GPHN: variants seen among roughly 807,000 people sequenced by gnomAD.
The protein encoded by GPHN is gephyrin.
GPHN carries 17 observed loss-of-function variants against 95.5 expected under a neutral mutation model. The observed-to-expected ratio is 0.18, with a 90% confidence interval of 0.12 to 0.27. GPHN has a LOEUF of 0.27. GPHN is among the 10% of genes least tolerant of loss of function. GPHN has a pLI of 1.00. For missense variants in GPHN, 660 were observed against 978.1 expected, an observed-to-expected ratio of 0.67 and a Z score of 4.34; for synonymous variants, 320 against 322.5, an observed-to-expected ratio of 0.99 and a Z score of 0.08.
chr14:67,144,250 A>AAAAATATATATAT (rs1168342196), intron 18 of GPHN, among the ~76,000 whole-genome samples: 1 of 57,770 alleles, frequency 1.7e-5, no homozygotes, highest in Non-Finnish European at 2.9e-5. Flanking sequence ...AAAAAAAAAA[A>AAAAATATATATAT]ATATATATAT....
intron 3 of GPHN, among the ~76,000 whole-genome samples, chr14:66,793,925 A>G (rs1317858407): frequency 6.6e-6 from 1 of 152,196 alleles, no homozygotes; most frequent in African/African-American, 2.4e-5. Flanking sequence ...GTAAATCCAG[A>G]TATATCATTA....
intron 2 of GPHN, among the ~76,000 whole-genome samples, chr14:66,698,337 A>G (rs2068255820): frequency 6.6e-6 from 1 of 152,190 alleles, no homozygotes; most frequent in Non-Finnish European, 1.5e-5. Context: ...TTTTGTAGAT[A>G]ACTTGAAATC....
At chr14:67,061,046 T>C (rs960146871) in intron 11 of GPHN, among the ~76,000 whole-genome samples, 3 of 152,210 alleles carry the variant, frequency 2.0e-5, no homozygotes, top group South Asian at 2.1e-4. Flanking sequence ...TTTTTTCTTT[T>C]TTTTATTTTT....
chr14:67,419,804 G>A, the GPHN span, among the ~76,000 whole-genome samples: 4 of 151,524 alleles, frequency 2.6e-5, no homozygotes, highest in Non-Finnish European at 4.4e-5. Context: ...AGCCGAGATC[G>A]CGCCACGGCA....
At chr14:66,533,224 T>G (rs2059012825) in intron 1 of GPHN, among the ~76,000 whole-genome samples, 1 of 152,260 alleles carries the variant, frequency 6.6e-6, no homozygotes, top group Non-Finnish European at 1.5e-5. Flanking sequence ...CTGAAATTAA[T>G]TCAGTATCTT....
intron 16 of GPHN, among the ~76,000 whole-genome samples, chr14:67,118,198 G>A (rs2078801414): frequency 6.6e-6 from 1 of 152,146 alleles, no homozygotes; most frequent in Non-Finnish European, 1.5e-5. Context: ...ACATACCCAA[G>A]GGAAAATTAG....
At chr14:67,568,618 T>A in the GPHN span, among the ~76,000 whole-genome samples, 1 of 152,090 alleles carries the variant, frequency 6.6e-6, no homozygotes, top group African/African-American at 2.4e-5. Flanking sequence ...AATTATTTTT[T>A]AAAAAAAGAA....
chr14:67,551,209 C>G, the GPHN span, among the ~76,000 whole-genome samples: 2 of 152,188 alleles, frequency 1.3e-5, no homozygotes, highest in Non-Finnish European at 1.5e-5. Context: ...TATAATCTAT[C>G]ACCTAAAGCA....
At chr14:67,634,469 C>A in the GPHN span, among the ~76,000 whole-genome samples, 1 of 150,314 alleles carries the variant, frequency 6.7e-6, no homozygotes, top group South Asian at 2.1e-4. Context: ...GGTGTGGCTT[C>A]TGTAGTCCCA....
At chr14:67,724,041 T>A in the GPHN span, among the ~76,000 whole-genome samples, 20 of 152,296 alleles carry the variant, frequency 1.3e-4, 1 homozygote, top group Admixed American at 7.8e-4. Flanking sequence ...CCCCACAGAG[T>A]GCTGTTCATC....
the GPHN span, among the ~76,000 whole-genome samples, chr14:67,448,681 A>C: frequency 6.6e-6 from 1 of 152,082 alleles, no homozygotes; most frequent in African/African-American, 2.4e-5. Context: ...ACAGACAATA[A>C]TGCTGCCCTA....
At chr14:67,391,269 A>ATGTGTGTGTG in the GPHN span, among the ~76,000 whole-genome samples, 510 of 139,622 alleles carry the variant, frequency 3.7e-3, 1 homozygote, top group African/African-American at 0.012. Flanking sequence ...TAAGCAGCTG[A>ATGTGTGTGTG]TATGTGTGTG....
intron 4 of GPHN, among the ~76,000 whole-genome samples, chr14:66,873,653 C>A (rs1262433545): frequency 6.6e-6 from 1 of 152,156 alleles, no homozygotes; most frequent in Non-Finnish European, 1.5e-5. Context: ...GCTGGAAGTT[C>A]GGACTGGACA....
the GPHN span, among the ~76,000 whole-genome samples, chr14:67,680,679 G>T: frequency 1.3e-5 from 2 of 152,114 alleles, no homozygotes; most frequent in Non-Finnish European, 2.9e-5. Flanking sequence ...GGCTGGTCTT[G>T]AACTCCTGGG....
chr14:67,254,512 G>T, the GPHN span, among the ~76,000 whole-genome samples: 1 of 152,066 alleles, frequency 6.6e-6, no homozygotes, highest in African/African-American at 2.4e-5. Flanking sequence ...CTCTAAACCT[G>T]TTGACATTTG....
chr14:66,739,218 CT>C (rs540067795), intron 2 of GPHN, among the ~76,000 whole-genome samples: 236 of 134,560 alleles, frequency 1.8e-3, no homozygotes, highest in East Asian at 1.9e-3. Flanking sequence ...TTTCTTACAG[CT>C]TTTTTTTTTT....
In GPHN at chr14:67,167,509, G is replaced by A. The variant is rs190023780; in HGVS notation, c.1976-1424G>A. Reference sequence around the variant, plus strand: ...TCCATCGAAACTATTAGTATCACTTGTCACTTTTTGCACCTTAAAAAATCT... The same window carrying A: ...TCCATCGAAACTATTAGTATCACTTATCACTTTTTGCACCTTAAAAAATCT... On this transcript the variant is annotated intron_variant, in intron 20 of 22. Coordinates refer to ENST00000478722, the MANE Select transcript of GPHN (RefSeq NM_020806.5). Among the ~76,000 whole-genome samples, 293 of 152,262 alleles carry A rather than the reference G, an allele frequency of 1.9e-3. 3 individuals are homozygous for A. The highest frequency in any genetic ancestry group is 1.9e-3 in the Non-Finnish European group (127 of 68,014).
At chr14:67,274,520 T>C in the GPHN span, among the ~76,000 whole-genome samples, 1 of 152,236 alleles carries the variant, frequency 6.6e-6, no homozygotes, top group South Asian at 2.1e-4. Flanking sequence ...TTTTGGTTAC[T>C]GTAACCTTGT....
chr14:67,578,199 G>C, the GPHN span: 1 of 1,612,890 alleles, frequency 6.2e-7, no homozygotes, highest in Non-Finnish European at 8.5e-7. The surrounding 1 kb of genome is among the most constrained non-coding windows in gnomAD (Gnocchi z 5.0). Flanking sequence ...CCCTCATGCA[G>C]GTAGGCATGC....
Sources: allele counts gnomAD v4.1 joint callset (sites outside exome capture counted in the v4.1 genomes callset), GRCh38; gene constraint gnomAD v4.1.1; non-coding constraint Gnocchi (gnomAD v3.1); transcripts MANE v1.5; gene names NCBI Gene and HGNC (gene_info 2026-07-23, HGNC 2026-07-21).